CAST: variants seen among roughly 807,000 people sequenced by gnomAD.
The protein encoded by CAST is MIR583 host.
In CAST, 76 loss-of-function variants were observed where a neutral mutation model predicts 119.6. The ratio of observed to expected loss-of-function variants is 0.64; its 90% confidence interval spans 0.53 to 0.77. The LOEUF is 0.77. Ranked by LOEUF, CAST falls within the 30% of genes least tolerant of loss-of-function variation. CAST has a pLI of 0.00. For missense variants in CAST, 953 were observed against 946.5 expected, an observed-to-expected ratio of 1.01 and a Z score of -0.09; for synonymous variants, 319 against 331.6, an observed-to-expected ratio of 0.96 and a Z score of 0.41.
In CAST at chr5:96,538,604, G is replaced by A. The variant is rs188638131; in HGVS notation, c.60+8724G>A. Among the ~76,000 whole-genome samples, 485 of 152,054 alleles carry A rather than the reference G, an allele frequency of 3.2e-3. 3 individuals are homozygous for A. The highest frequency in any genetic ancestry group is 9.9e-3 in the African/African-American group (411 of 41,486). On this transcript the variant is annotated intron_variant, in intron 1 of 11. Transcript: ENST00000505143. ...TAGTCAGAATTAATGTGCAGATTTG[G>A]AGATGTTCAAGTAGTTAAAAATGGT...
chr5:96,028,816 T>G, the CAST span, among the ~76,000 whole-genome samples: 2 of 152,230 alleles, frequency 1.3e-5, no homozygotes, highest in South Asian at 4.1e-4. Flanking sequence ...GTAAAAAGTA[T>G]AGGTTTTTAT....
rs1746155223 is a variant in CAST, at chr5:96,552,596, C to CA, written c.60+22721dup. ...AGAAGAACTGAAGGAGATAGAGACA[C>CA]AAAAAGCCCTTCAAAAAATCAGTGA... is the stretch of plus-strand genomic sequence containing the variant. On this transcript the variant is annotated intron_variant, in intron 1 of 11. Coordinates refer to the CAST transcript ENST00000505143. Among the ~76,000 whole-genome samples, 2 of 152,032 alleles carry CA rather than the reference C, an allele frequency of 1.3e-5. 1 individual carries two copies. The highest frequency in any genetic ancestry group is 1.3e-4 in the Admixed American group (2 of 15,264).
chr5:96,762,359 C>T lies in CAST; in HGVS notation c.1919C>T (p.Pro640Leu), dbSNP rs1351870922. The T allele has an allele frequency of 6.3e-7, 1 of 1,596,246 alleles. No individual in the cohort carries two copies. Among genetic ancestry groups the T allele is most frequent in the South Asian group, 1.1e-5 (1 of 88,090 alleles). ...PASTTQAGAP[P>L]RDTSQSDKDL... Reference sequence around the variant, plus strand: ...TCAACGACCCAAGCTGGAGCCCCACCCCGTGATACCTCGGTAAGCAGCACA... The same window carrying T: ...TCAACGACCCAAGCTGGAGCCCCACTCCGTGATACCTCGGTAAGCAGCACA... The change falls in exon 25 of 32, where the codon CCC becomes CTC. Residue 640 changes from proline to leucine, a missense_variant. By Grantham distance (98) the Pro-to-Leu change is moderately conservative (BLOSUM62 -3). Transcript: ENST00000675179.
rs372674651 is a variant in CAST, at chr5:96,639,812, G to A, written c.61-35727G>A. Among the ~76,000 whole-genome samples the A allele has an allele frequency of 7.1e-4, 108 of 152,250 alleles. 1 individual carries two copies. In the South Asian group the frequency reaches 0.021, roughly 30 times the overall value. ...TGTTTTGTTTTGTTTGAGTATGCAC[G>A]GTTTGGGTAGTTCCCTCAACTTTGG... On this transcript the variant is annotated intron_variant, in intron 1 of 11. Transcript: ENST00000505143.
chr5:96,748,326 A>G (rs1372060509), intron 18 of CAST, among the ~76,000 whole-genome samples, 192 bp from the exon 19 acceptor site: 1 of 152,186 alleles, frequency 6.6e-6, no homozygotes, highest in Non-Finnish European at 1.5e-5. Flanking sequence ...GGTGTTTAGT[A>G]TTTCTTAATT....
the CAST span, among the ~76,000 whole-genome samples, chr5:96,041,449 G>A: frequency 6.6e-6 from 1 of 152,004 alleles, no homozygotes; most frequent in Admixed American, 6.6e-5. Context: ...GCCAAGAGAA[G>A]TCTAAGGAAA....
the CAST span, among the ~76,000 whole-genome samples, chr5:96,379,295 G>T: frequency 1.3e-5 from 2 of 152,084 alleles, no homozygotes; most frequent in Admixed American, 6.6e-5. Context: ...ACTAATGAGG[G>T]TTAATTTTGG....
At chr5:96,511,208 G>T in the CAST span, among the ~76,000 whole-genome samples, 1 of 152,086 alleles carries the variant, frequency 6.6e-6, no homozygotes, top group Non-Finnish European at 1.5e-5. Context: ...GCAGTGGTGC[G>T]ATCTCAGCTC....
At chr5:96,232,079 A>T in the CAST span, among the ~76,000 whole-genome samples, 1 of 152,030 alleles carries the variant, frequency 6.6e-6, no homozygotes, top group Non-Finnish European at 1.5e-5. Context: ...AATAACAATA[A>T]ACTTTTCATA....
chr5:96,401,252 G>A, the CAST span, among the ~76,000 whole-genome samples: 1 of 152,150 alleles, frequency 6.6e-6, no homozygotes, highest in Non-Finnish European at 1.5e-5. Flanking sequence ...AACTTTGTGG[G>A]GGAGAAATAT....
the CAST span, among the ~76,000 whole-genome samples, chr5:96,016,218 C>A: frequency 3.3e-5 from 5 of 152,348 alleles, no homozygotes; most frequent in Non-Finnish European, 4.4e-5. Flanking sequence ...CAATTCTTAG[C>A]AATGAATCTT....
At chr5:96,756,107 G>A (rs1766268630) in intron 22 of CAST, among the ~76,000 whole-genome samples, 1 of 152,080 alleles carries the variant, frequency 6.6e-6, no homozygotes, top group African/African-American at 2.4e-5. Flanking sequence ...ACATTTTCAG[G>A]CACTAGCTTC....
the CAST span, among the ~76,000 whole-genome samples, chr5:96,362,936 A>T: frequency 6.6e-6 from 1 of 152,082 alleles, no homozygotes; most frequent in African/African-American, 2.4e-5. Flanking sequence ...TGGTATTGCT[A>T]AGGTTTTCTT....
chr5:96,270,368 C>T, the CAST span, among the ~76,000 whole-genome samples: 1 of 151,936 alleles, frequency 6.6e-6, no homozygotes, highest in Non-Finnish European at 1.5e-5. Flanking sequence ...TTTTATTTAA[C>T]ATAATACTGG....
At chr5:96,390,312 C>T in the CAST span, 8 of 152,130 alleles carry the variant, frequency 5.3e-5, no homozygotes, top group African/African-American at 1.9e-4. Flanking sequence ...TTGGGAAACA[C>T]AATAAAAGAG....
At chr5:96,088,866 C>T in the CAST span, among the ~76,000 whole-genome samples, 1 of 152,126 alleles carries the variant, frequency 6.6e-6, no homozygotes, top group South Asian at 2.1e-4. Context: ...CTGGCCTGGC[C>T]TTGTTGTGCA....
the CAST span, among the ~76,000 whole-genome samples, chr5:96,017,965 A>G: frequency 6.6e-6 from 1 of 152,148 alleles, no homozygotes; most frequent in African/African-American, 2.4e-5. Context: ...CCTGACACCA[A>G]TATAAAAGCC....
intron 3 of CAST, among the ~76,000 whole-genome samples, chr5:96,701,423 AG>A (rs1249602238): frequency 1.3e-5 from 2 of 152,226 alleles, no homozygotes; most frequent in African/African-American, 4.8e-5. Context: ...AGTGAAACCT[AG>A]ATGAGCTTTT....
At chr5:96,320,228 CTTTTTTTT>C in the CAST span, among the ~76,000 whole-genome samples, 2 of 97,360 alleles carry the variant, frequency 2.1e-5, no homozygotes, top group African/African-American at 7.9e-5. Context: ...AAGGCTTTTG[CTTTTTTTT>C]TTTTTTTTTT....
Sources: allele counts gnomAD v4.1 joint callset (sites outside exome capture counted in the v4.1 genomes callset), GRCh38; gene constraint gnomAD v4.1.1; transcripts MANE v1.5; gene names NCBI Gene and HGNC (gene_info 2026-07-23, HGNC 2026-07-21).